The following CRELD2 variants were observed in gnomAD, a reference collection of about 807,000 sequenced individuals.
CRELD2 encodes CRELD disulfide isomerase 2, also known as protein disulfide isomerase CRELD2.
In CRELD2, 33 loss-of-function variants were observed where a neutral mutation model predicts 48.1. The observed-to-expected ratio is 0.69, with a 90% confidence interval of 0.52 to 0.92. CRELD2 has a LOEUF of 0.92. Among genes scored for constraint, CRELD2 ranks in the 40% least tolerant of loss-of-function variants. The pLI, the probability that CRELD2 is intolerant of heterozygous loss-of-function variation, is 0.00. For synonymous variants in CRELD2, 220 were observed against 203.9 expected (o/e 1.08, Z -0.67); for missense variants, 477 against 482.4 (o/e 0.99, Z 0.10).
At chr22:49,925,905 C>G (rs976256840) in intron 9 of CRELD2, 9 of 354,798 alleles carry the variant, frequency 2.5e-5, no homozygotes, top group African/African-American at 1.9e-4. Flanking sequence ...CCCAGGGTGC[C>G]GCAGAGACAG....
intron 4 of CRELD2, chr22:49,921,327 CT>C: frequency 1.9e-6 from 1 of 518,420 alleles, no homozygotes; most frequent in Non-Finnish European, 3.4e-6. Context: ...TGCAGGGTCC[CT>C]TGTTGACCTA....
chr22:49,922,272 C>G, intron 5 of CRELD2: 1 of 1,417,756 alleles, frequency 7.1e-7, no homozygotes, highest in Non-Finnish European at 9.5e-7. Flanking sequence ...GGACCGGCCT[C>G]TCCGATTCTT....
At position 49,927,265 on chromosome 22, in the gene CRELD2, A is replaced by T; in HGVS notation, c.1020A>T (p.Glu340Asp). ...CVPPAEAEAT[E>D]GESPTQLPSR... ...CTTGTTTTCTGACAGAAGCCACAGA[A>T]GGAGAAAGCCCGACACAGCTGCCCT... The change falls in exon 10 of 10, where the codon GAA becomes GAT. Residue 340 changes from glutamate (E) to aspartate (D), a missense_variant. By Grantham distance (45) the Glu-to-Asp change is conservative (BLOSUM62 2). Transcript: ENST00000328268. 6.2e-7 allele frequency: 1 copy of T among 1,612,450 alleles called. No individual in the cohort carries two copies. Among genetic ancestry groups the T allele is most frequent in the Non-Finnish European group, 8.5e-7 (1 of 1,179,832 alleles).
At chr22:49,926,547 C>T (rs1430657398) in intron 9 of CRELD2, 2 of 152,732 alleles carry the variant, frequency 1.3e-5, no homozygotes, top group Non-Finnish European at 2.9e-5. Flanking sequence ...GGCCAGAAGA[C>T]AAGGCTGCCT....
chr22:49,925,215 T>A, intron 8 of CRELD2: 1 of 484,790 alleles, frequency 2.1e-6, no homozygotes, highest in East Asian at 3.5e-5. Flanking sequence ...CTTCTCTGCA[T>A]TTTCTACCAG....
intron 2 of CRELD2, 70 bp from the exon 3 acceptor site, chr22:49,919,660 G>A (rs1014299283): frequency 6.1e-5 from 72 of 1,184,200 alleles, no homozygotes; most frequent in Non-Finnish European, 7.8e-5. Context: ...CCAGGTTGGC[G>A]TATTGGTTCG....
chr22:49,925,440 G>GA lies in CRELD2; in HGVS notation c.898dup (p.Thr300AsnfsTer22), dbSNP rs1215550833. 1 of 1,613,054 alleles carries GA rather than the reference G, an allele frequency of 6.2e-7. No homozygotes were observed. Among genetic ancestry groups the GA allele is most frequent in the Non-Finnish European group, 8.5e-7 (1 of 1,179,344 alleles). ...AGATGTGGACGAGTGCTCACTAGCAGAAAAAACCTGTGTGAGGAAAAACGA... is the reference window on the plus strand; with the variant it reads ...AGATGTGGACGAGTGCTCACTAGCAGAAAAAAACCTGTGTGAGGAAAAACGA... On this transcript the variant is annotated frameshift_variant, in exon 9 of 10. Transcript: ENST00000328268. LOFTEE classifies it high-confidence loss of function.
In CRELD2 at chr22:49,924,343, C is replaced by T. The variant is rs1175278940; in HGVS notation, c.773-17C>T. The T allele has an allele frequency of 2.5e-6, 4 of 1,597,000 alleles. No individual in the cohort carries two copies. The highest frequency in any genetic ancestry group is 4.5e-5 in the East Asian group (2 of 44,572). On this transcript the variant is annotated splice_polypyrimidine_tract_variant and intron_variant, in intron 7 of 9. Transcript: ENST00000328268. ...GCCTTGTGCATGTCGGGGTCTGACG[C>T]TGGCTCCCTGTTGCAGAGTGTGACT...
At chr22:49,919,096 G>A in intron 1 of CRELD2, 134 bp from the exon 2 acceptor site, 1 of 995,144 alleles carries the variant, frequency 1.0e-6, no homozygotes, top group Middle Eastern at 3.0e-4. Context: ...CCCTTGACCC[G>A]GATCCACCCC....
At chr22:49,921,088 A>G (rs1025619055) in intron 4 of CRELD2, among the ~76,000 whole-genome samples, 1 of 146,504 alleles carries the variant, frequency 6.8e-6, no homozygotes, top group African/African-American at 2.5e-5. Flanking sequence ...CCACACGCCT[A>G]GATGGTGCAG....
chr22:49,922,717 G>C lies in CRELD2; in HGVS notation c.688+10G>C. 1.3e-6 allele frequency: 2 copies of C among 1,518,704 alleles called. No individual in the cohort carries two copies. The highest frequency in any genetic ancestry group is 1.8e-6 in the Non-Finnish European group (2 of 1,138,448). The allele number at this position is 1,518,704 out of a possible 1,614,324, so 94.1% of individuals were successfully genotyped here. A position where few individuals can be genotyped will look rare whatever the true frequency, so the allele number is the denominator to read the frequency against. ...GAGGGCGCCTGTGTGGGTGAGGAGC[G>C]GCCCGGGGGTGGAGGAGGGCGCCTG... On this transcript the variant is annotated intron_variant, in intron 6 of 9. Coordinates refer to ENST00000328268, the MANE Select transcript of CRELD2 (RefSeq NM_024324.5).
Position 49,922,715 on chromosome 22 carries a change from G to A in CRELD2, c.688+8G>A. The A allele has an allele frequency of 6.5e-7, 1 of 1,535,000 alleles. No individual in the cohort carries two copies. The highest frequency in any genetic ancestry group is 8.8e-7 in the Non-Finnish European group (1 of 1,141,684). On this transcript the variant is annotated splice_region_variant and intron_variant, in intron 6 of 9. Transcript: ENST00000328268. ...ACGAGGGCGCCTGTGTGGGTGAGGA[G>A]CGGCCCGGGGGTGGAGGAGGGCGCC...
At position 49,927,486 on chromosome 22, in the gene CRELD2, T is replaced by C; in HGVS notation, c.*179T>C. The C allele has an allele frequency of 3.2e-6, 2 of 615,946 alleles. No individual in the cohort carries two copies. The highest frequency in any genetic ancestry group is 5.9e-6 in the Non-Finnish European group (2 of 339,006). The allele number at this position is 615,946 out of a possible 1,614,324, so 38.2% of individuals were successfully genotyped here. A position where few individuals can be genotyped will look rare whatever the true frequency, so the allele number is the denominator to read the frequency against. On this transcript the variant is annotated 3_prime_UTR_variant, in exon 10 of 10. Coordinates refer to ENST00000328268, the MANE Select transcript of CRELD2 (RefSeq NM_024324.5). ...GGTTGTTCTTAAACAGACTTGTATA[T>C]TTTGATACAGTTCTTTGTAATAAAA...
chr22:49,921,706 C>T lies in CRELD2; in HGVS notation c.537C>T (p.Asp179=), dbSNP rs1431704215. The part of the protein sequence containing the change: ...HMGYQGPLCT[D]CMDGYFSSLR... ...GGTACCAGGGCCCGCTGTGCACTGACTGCATGGACGGCTACTTCAGCTCGC... is the reference window on the plus strand; with the variant it reads ...GGTACCAGGGCCCGCTGTGCACTGATTGCATGGACGGCTACTTCAGCTCGC... Residue 179 remains aspartate, a synonymous_variant, in exon 5 of 10, where the codon GAC becomes GAT. Coordinates refer to ENST00000328268, the MANE Select transcript of CRELD2 (RefSeq NM_024324.5). 2.5e-6 allele frequency: 4 copies of T among 1,612,848 alleles called. No homozygotes were observed. In the African/African-American group the frequency reaches 5.3e-5, roughly 22 times the overall value.
At chr22:49,925,583 C>T (rs200456234) in intron 9 of CRELD2, 26 bp downstream of exon 9, 121 of 1,612,282 alleles carry the variant, frequency 7.5e-5, no homozygotes, top group Middle Eastern at 5.0e-4. Flanking sequence ...GCCCTCCACA[C>T]AGGCTGCCCT....
At chr22:49,921,063 TCCACACG>T (rs75850292) in intron 4 of CRELD2, among the ~76,000 whole-genome samples, 81 of 152,108 alleles carry the variant, frequency 5.3e-4, no homozygotes, top group South Asian at 1.2e-3. Flanking sequence ...CAGCGTGCAC[TCCACACG>T]CCACACGCCA....
rs776643675 is a variant in CRELD2 at position 49,923,310 on chromosome 22, G to C, written c.765G>C (p.Thr255=). Residue 255 remains threonine (T), a synonymous_variant, in exon 7 of 10, where the codon ACG becomes ACC. Transcript: ENST00000328268. ...GTAAGAACGCCAACGGCTCCTACACGTGCGAAGGTGGGCCAGGCGGGCGGG... is the reference window on the plus strand; with the variant it reads ...GTAAGAACGCCAACGGCTCCTACACCTGCGAAGGTGGGCCAGGCGGGCGGG... ...QFCKNANGSY[T]CEECDSSCVG... The C allele has an allele frequency of 6.2e-7, 1 of 1,609,036 alleles. No individual in the cohort carries two copies. Among genetic ancestry groups the C allele is most frequent in the East Asian group, 2.2e-5 (1 of 44,842 alleles).
intron 6 of CRELD2, 105 bp downstream of exon 6, chr22:49,922,812 G>GAT (rs2060708779): frequency 1.7e-5 from 2 of 115,556 alleles, no homozygotes; most frequent in African/African-American, 8.8e-5. Context: ...GCGGGAGGCA[G>GAT]GGGGGCGTGA....
At chr22:49,923,791 C>T (rs2060728765) in intron 7 of CRELD2, 1 of 269,512 alleles carries the variant, frequency 3.7e-6, no homozygotes, top group Non-Finnish European at 7.2e-6. Context: ...TGAAGGTAAA[C>T]TTTTCACATT....
Sources: allele counts gnomAD v4.1 joint callset (sites outside exome capture counted in the v4.1 genomes callset), GRCh38; gene constraint gnomAD v4.1.1; transcripts MANE v1.5; gene names NCBI Gene and HGNC (gene_info 2026-07-23, HGNC 2026-07-21).